The following GET1 variants were observed in gnomAD, a reference collection of about 807,000 sequenced individuals.
GET1 encodes the protein guided entry of tail-anchored proteins factor 1, also known as congenital heart disease 5 protein.
A neutral mutation model predicts 22.6 loss-of-function variants in GET1; 20 were observed. The ratio of observed to expected loss-of-function variants is 0.89; its 90% CI spans 0.62 to 1.29. The LOEUF (loss-of-function observed/expected upper bound fraction) is 1.29. GET1 is among the 50% of genes most tolerant of loss of function. The pLI is 0.00. For synonymous variants in GET1, 92 were observed against 83.8 expected (o/e 1.10, Z -0.53); for missense variants, 209 against 219.9 (o/e 0.95, Z 0.31).
intron 1 of GET1, among the ~76,000 whole-genome samples, chr21:39,383,949 G>A (rs149692696): frequency 0.014 from 2,141 of 151,584 alleles, 56 homozygotes; most frequent in African/African-American, 0.049. Flanking sequence ...CCATGTTGGC[G>A]AGGCTGGTCT....
downstream of GET1, among the ~76,000 whole-genome samples, chr21:39,399,680 A>G (rs2038791457): frequency 6.6e-6 from 1 of 152,036 alleles, no homozygotes; most frequent in Admixed American, 6.6e-5. Flanking sequence ...ACCTCAGGTG[A>G]TCCACCTGCC....
Position 39,397,676 on chromosome 21 carries a change from A to G in GET1, c.*737A>G, listed in dbSNP as rs1461551060. On this transcript the variant is annotated 3_prime_UTR_variant, in exon 5 of 5. Coordinates refer to ENST00000649170, the MANE Select transcript of GET1 (RefSeq NM_004627.6). Reference sequence around the variant, plus strand: ...GAATGGAACACAGAAAACAAACCTTATAAGTCCTGATTAATCTGAACCAAT... The same window carrying G: ...GAATGGAACACAGAAAACAAACCTTGTAAGTCCTGATTAATCTGAACCAAT... The G allele has an allele frequency of 5.5e-5, 5 of 91,002 alleles. No individual in the cohort carries two copies. Among genetic ancestry groups the G allele is most frequent in the Admixed American group, 1.2e-4 (1 of 8,334 alleles). 5.6% of individuals were successfully genotyped at this position (91,002 alleles called of 1,614,324 possible).
At chr21:39,391,307 G>A (rs919482074) in intron 2 of GET1, 4 of 231,194 alleles carry the variant, frequency 1.7e-5, no homozygotes, top group Non-Finnish European at 2.5e-5. Context: ...TCTCAGGGCA[G>A]CCCGTGTGCT....
intron 1 of GET1, chr21:39,426,029 G>A (rs1040403013): frequency 6.6e-6 from 1 of 152,228 alleles, no homozygotes; most frequent in African/African-American, 2.4e-5. Context: ...CTTGGACAAG[G>A]AACATGTAAG....
At chr21:39,382,178 C>G (rs538536060) in intron 1 of GET1, among the ~76,000 whole-genome samples, 241 of 152,162 alleles carry the variant, frequency 1.6e-3, no homozygotes, top group Non-Finnish European at 2.9e-3. Flanking sequence ...CCTCAGCCTC[C>G]CAGGTAGCTG....
chr21:39,383,293 T>G (rs2037681823), intron 1 of GET1, among the ~76,000 whole-genome samples: 1 of 147,942 alleles, frequency 6.8e-6, no homozygotes, highest in Non-Finnish European at 1.5e-5. Context: ...TGTTTATTTA[T>G]TTTTTGAGAC....
chr21:39,403,571 C>G lies in GET1; in HGVS notation c.350-2343C>G, dbSNP rs752864902. On this transcript the variant is annotated intron_variant, in intron 4 of 4. Coordinates refer to the GET1 transcript ENST00000415847. ...CGATCTGACTTCATGATCCGCCCGCCTCGGCCTCCCAAAGTGCTGGGGTGA... is the reference window on the plus strand; with the variant it reads ...CGATCTGACTTCATGATCCGCCCGCGTCGGCCTCCCAAAGTGCTGGGGTGA... Among the ~76,000 whole-genome samples, 8 of 151,864 alleles carry G rather than the reference C, an allele frequency of 5.3e-5. 1 individual carries two copies. The highest frequency in any genetic ancestry group is 1.2e-4 in the Non-Finnish European group (8 of 67,996).
chr21:39,419,921 AT>A (rs1237609392), intron 1 of GET1, among the ~76,000 whole-genome samples: 2 of 152,210 alleles, frequency 1.3e-5, no homozygotes, highest in African/African-American at 4.8e-5. Context: ...CAGTATACAT[AT>A]TTTTAAGACA....
In GET1 at chr21:39,396,991, G is replaced by C. The variant is rs1245455877; in HGVS notation, c.*52G>C. 6.3e-7 allele frequency: 1 copy of C among 1,587,508 alleles called. No individual in the cohort carries two copies. Among genetic ancestry groups the C allele is most frequent in the Non-Finnish European group, 8.6e-7 (1 of 1,158,618 alleles). The stretch of plus-strand genomic sequence containing the variant: ...CTAAAAAACGGATTTCCTCTTCCTA[G>C]CTTAAAATCTGATTTACACTGTTTT... On this transcript the variant is annotated 3_prime_UTR_variant, in exon 5 of 5. Coordinates refer to ENST00000649170, the MANE Select transcript of GET1 (RefSeq NM_004627.6).
chr21:39,408,736 C>G (rs921522155), downstream of GET1: 15 of 152,388 alleles, frequency 9.8e-5, no homozygotes, highest in Admixed American at 9.2e-4. Context: ...TTGGCCCTAG[C>G]TCTCTTGGGC....
chr21:39,417,789 G>T (rs984928020), intron 1 of GET1, among the ~76,000 whole-genome samples: 1 of 151,640 alleles, frequency 6.6e-6, no homozygotes, highest in South Asian at 2.1e-4. Context: ...TTTTTGAGAT[G>T]GAGTCTCGCT....
intron 2 of GET1, 195 bp downstream of exon 2, chr21:39,391,058 C>A: frequency 2.0e-6 from 1 of 505,650 alleles, no homozygotes; most frequent in African/African-American, 1.9e-5. Flanking sequence ...TTTCTAAGCA[C>A]AGAAATATCT....
At chr21:39,428,114 G>A in intron 1 of GET1, 2 of 1,008,620 alleles carry the variant, frequency 2.0e-6, no homozygotes, top group African/African-American at 1.6e-5. Context: ...CACTAGTGCA[G>A]TAAAATAACA....
chr21:39,406,840 A>G (rs902611556), downstream of GET1: 6 of 444,644 alleles, frequency 1.3e-5, no homozygotes, highest in Admixed American at 1.6e-4. Context: ...TTATGAAACC[A>G]AAAGAAAAAT....
intron 1 of GET1, chr21:39,422,759 G>T (rs1054923645): frequency 5.2e-6 from 3 of 579,484 alleles, no homozygotes; most frequent in Non-Finnish European, 6.0e-6. Flanking sequence ...CTTGTGCACT[G>T]CAACAGATGA....
intron 1 of GET1, among the ~76,000 whole-genome samples, chr21:39,389,460 G>A (rs1417200567): frequency 1.3e-5 from 2 of 152,142 alleles, no homozygotes; most frequent in Non-Finnish European, 2.9e-5. Context: ...ATCTTTCTAA[G>A]TGTCTTTGTT....
chr21:39,413,758 T>C (rs1247472585), intron 1 of GET1: 2 of 152,194 alleles, frequency 1.3e-5, no homozygotes, highest in Non-Finnish European at 2.9e-5. Context: ...TGTAAAACAT[T>C]TTAGAATGAG....
Position 39,414,923 on chromosome 21 carries a change from T to C in GET1, c.*23+3986T>C, listed in dbSNP as rs1023719179. On this transcript the variant is annotated intron_variant, in intron 1 of 1. Transcript: ENST00000478273. ...CTGGTATTCTGGATTATTTTATTTA[T>C]TTTTAGAGACAAGAGTCTCTCTCTG... Among the ~76,000 whole-genome samples the C allele has an allele frequency of 2.6e-5, 4 of 152,320 alleles. No individual in the cohort carries two copies. The South Asian group carries it at 6.2e-4, about 24-fold the overall frequency.
intron 1 of GET1, among the ~76,000 whole-genome samples, chr21:39,383,237 T>TGA (rs2037675176): frequency 4.0e-5 from 6 of 149,742 alleles, no homozygotes; most frequent in East Asian, 2.0e-4. Flanking sequence ...TACAGGCTTG[T>TGA]GCCACCGCGC....
Sources: allele counts gnomAD v4.1 joint callset (sites outside exome capture counted in the v4.1 genomes callset), GRCh38; gene constraint gnomAD v4.1.1; transcripts MANE v1.5; gene names NCBI Gene and HGNC (gene_info 2026-07-23, HGNC 2026-07-21).